The following SLK variants were observed in gnomAD, a reference collection of about 807,000 sequenced individuals.
SLK encodes STE20-like serine/threonine-protein kinase.
A neutral mutation model predicts 147.7 loss-of-function variants in SLK; 67 were observed. The ratio of observed to expected loss-of-function variants is 0.45; its 90% confidence interval spans 0.37 to 0.56. The LOEUF is 0.56. Among genes scored for constraint, SLK ranks in the 20% least tolerant of loss-of-function variants. SLK has a pLI of 0.00. For synonymous variants in SLK, 441 were observed against 475.0 expected (o/e 0.93, Z 0.93); for missense variants, 1,136 against 1,438.8 (o/e 0.79, Z 3.41).
Position 104,005,843 on chromosome 10 carries a change from T to TA in SLK, c.2481-60dup, listed in dbSNP as rs561742673. The TA allele has an allele frequency of 1.4e-3, 2,030 of 1,471,194 alleles. 7 individuals are homozygous for TA. In the African/African-American group the frequency reaches 0.014, roughly 10 times the overall value. The allele number at this position is 1,471,194 out of a possible 1,614,324, so 91.1% of individuals were successfully genotyped here. ...ACTCGAAAGAAAATTTTTAAAGCTTTAAAAAAAAACGTATTTCAGAAGTGT... is the reference window on the plus strand; with the variant it reads ...ACTCGAAAGAAAATTTTTAAAGCTTTAAAAAAAAAACGTATTTCAGAAGTGT... On this transcript the variant is annotated intron_variant, in intron 10 of 18. Coordinates refer to ENST00000369755, the MANE Select transcript of SLK (RefSeq NM_014720.4).
chr10:103,996,395 CTTTTCTTTTTTTTTTTT>C (rs1844173424), intron 4 of SLK, among the ~76,000 whole-genome samples: 1 of 110,834 alleles, frequency 9.0e-6, no homozygotes, highest in South Asian at 2.8e-4. Flanking sequence ...TATTTTTTTT[CTTTTCTTTTTTTTTTTT>C]TTTTGAGACG....
chr10:103,989,120 A>G (rs903716097), intron 1 of SLK, among the ~76,000 whole-genome samples: 4 of 152,252 alleles, frequency 2.6e-5, no homozygotes, highest in African/African-American at 4.8e-5. Context: ...AATATTTGCA[A>G]GACACATATT....
chr10:103,977,004 C>T (rs527486737), intron 1 of SLK, among the ~76,000 whole-genome samples: 1 of 152,232 alleles, frequency 6.6e-6, no homozygotes, highest in South Asian at 2.1e-4. Flanking sequence ...TTTGTGACAA[C>T]CTAAAATACT....
At chr10:103,997,094 C>G (rs1428602784) in intron 4 of SLK, among the ~76,000 whole-genome samples, 2 of 152,134 alleles carry the variant, frequency 1.3e-5, no homozygotes, top group Admixed American at 1.3e-4. Context: ...TCCACTCCTC[C>G]CAGCTTCTGG....
chr10:103,968,513 G>A (rs1843748847), intron 1 of SLK, among the ~76,000 whole-genome samples: 1 of 152,142 alleles, frequency 6.6e-6, no homozygotes, highest in South Asian at 2.1e-4. Context: ...CAGTATCAGC[G>A]CTTAAGCAGT....
At chr10:103,992,730 C>A (rs1844115240) in intron 3 of SLK, 84 bp downstream of exon 3, 1 of 1,289,748 alleles carries the variant, frequency 7.8e-7, no homozygotes, top group South Asian at 1.4e-5. Context: ...TAAATATATT[C>A]AAATATGTAA....
At chr10:104,011,132 C>G (rs1490069276) in intron 13 of SLK, among the ~76,000 whole-genome samples, 1 of 152,074 alleles carries the variant, frequency 6.6e-6, no homozygotes, top group African/African-American at 2.4e-5. Flanking sequence ...AAAGTTGACT[C>G]CAGATGAAAT....
intron 1 of SLK, among the ~76,000 whole-genome samples, chr10:103,980,435 A>G (rs1388555083): frequency 1.3e-5 from 2 of 152,138 alleles, no homozygotes; most frequent in Non-Finnish European, 2.9e-5. Flanking sequence ...CTGTCTGTCC[A>G]TCATGCCTCT....
At chr10:104,017,670 G>T (rs1844481923) in intron 13 of SLK, among the ~76,000 whole-genome samples, 1 of 152,096 alleles carries the variant, frequency 6.6e-6, no homozygotes, top group African/African-American at 2.4e-5. Context: ...AGTAGAGATG[G>T]GGTTTCACCA....
chr10:103,998,763 T>C, intron 4 of SLK, 136 bp from the exon 5 acceptor site: 1 of 580,214 alleles, frequency 1.7e-6, no homozygotes, highest in Non-Finnish European at 3.0e-6. Context: ...GGGAGAGACA[T>C]CTTTTTCTTT....
chr10:103,992,471 C>T (rs2476952), intron 2 of SLK, 127 bp from the exon 3 acceptor site: 145,604 of 811,376 alleles, frequency 0.18, 14,369 homozygotes, highest in African/African-American at 0.36. Flanking sequence ...TTTAGTATAT[C>T]GTTTCCATAA....
intron 12 of SLK, among the ~76,000 whole-genome samples, chr10:104,009,177 C>T (rs1844368305): frequency 6.6e-6 from 1 of 152,152 alleles, no homozygotes; most frequent in South Asian, 2.1e-4. Flanking sequence ...AATTTATTAA[C>T]ATCTTCAGTA....
chr10:103,976,256 C>G (rs11591965), intron 1 of SLK, among the ~76,000 whole-genome samples: 1 of 151,864 alleles, frequency 6.6e-6, no homozygotes, highest in Non-Finnish European at 1.5e-5. Flanking sequence ...ATTCTTGTGC[C>G]TTTTGGTGCA....
chr10:104,015,444 G>C (rs1189553723), intron 13 of SLK, among the ~76,000 whole-genome samples: 1 of 152,168 alleles, frequency 6.6e-6, no homozygotes, highest in Non-Finnish European at 1.5e-5. Context: ...CATGGTTTCT[G>C]AACCCTTTAT....
At chr10:104,023,405 C>A (rs1177271485) in intron 18 of SLK, among the ~76,000 whole-genome samples, 2 of 152,180 alleles carry the variant, frequency 1.3e-5, no homozygotes, top group African/African-American at 4.8e-5. Context: ...GATCTCAGTA[C>A]TGACACTTAC....
In SLK at chr10:103,998,984, T is replaced by G; in HGVS notation, c.587+13T>G. ...GTACACCATATTGGTATGTATTCAG[T>G]TTTATGAATTTATAGTATTAGTCAT... On this transcript the variant is annotated intron_variant, in intron 5 of 18. Coordinates refer to ENST00000369755, the MANE Select transcript of SLK (RefSeq NM_014720.4). The G allele has an allele frequency of 1.9e-6, 3 of 1,586,638 alleles. No individual in the cohort carries two copies. Among genetic ancestry groups the G allele is most frequent in the Non-Finnish European group, 2.6e-6 (3 of 1,156,874 alleles).
At chr10:103,977,600 G>A (rs1469339077) in intron 1 of SLK, among the ~76,000 whole-genome samples, 3 of 152,178 alleles carry the variant, frequency 2.0e-5, no homozygotes, top group Non-Finnish European at 2.9e-5. Flanking sequence ...GACAGAGCAA[G>A]ACCTCGTCTC....
chr10:103,993,569 T>A (rs114649945), intron 4 of SLK, among the ~76,000 whole-genome samples: 1 of 152,156 alleles, frequency 6.6e-6, no homozygotes, highest in Non-Finnish European at 1.5e-5. Flanking sequence ...TTTATTGATA[T>A]GGTACGTTGA....
At chr10:104,021,972 A>AGAG (rs891499577) in intron 18 of SLK, among the ~76,000 whole-genome samples, 1 of 152,160 alleles carries the variant, frequency 6.6e-6, no homozygotes, top group Non-Finnish European at 1.5e-5. Flanking sequence ...TTTTGTAAGC[A>AGAG]GAGGAGGAGG....
Sources: allele counts gnomAD v4.1 joint callset (sites outside exome capture counted in the v4.1 genomes callset), GRCh38; gene constraint gnomAD v4.1.1; transcripts MANE v1.5; gene names NCBI Gene and HGNC (gene_info 2026-07-23, HGNC 2026-07-21).